Variants in CRBN observed in about 807,000 individuals in gnomAD.
CRBN encodes the protein cereblon.
CRBN carries 53 observed loss-of-function variants against 62.2 expected under a neutral mutation model. The observed-to-expected ratio is 0.85, with a 90% CI of 0.68 to 1.07. The LOEUF is 1.07. CRBN is among the 50% of genes least tolerant of loss of function. The probability of loss-of-function intolerance (pLI) is 0.00; values close to 1 mark genes in which losing one functional copy is unlikely to be tolerated. For missense variants in CRBN, 616 were observed against 531.1 expected (o/e 1.16, Z -1.57); for synonymous variants, 208 against 176.1 (o/e 1.18, Z -1.43).
chr3:3,163,030 G>A (rs993181027), intron 5 of CRBN, among the ~76,000 whole-genome samples: 2 of 152,166 alleles, frequency 1.3e-5, no homozygotes, highest in Non-Finnish European at 2.9e-5. Flanking sequence ...AAAGATATCT[G>A]CCATCCCCTT....
Position 3,169,601 on chromosome 3 carries a change from A to G in CRBN, c.528-1808T>C, listed in dbSNP as rs12631284. 6.6e-5 allele frequency among the ~76,000 whole-genome samples: 10 copies of G among 152,360 alleles called. No homozygotes were observed. The East Asian group carries it at 1.7e-3, about 26-fold the overall frequency. On this transcript the variant is annotated intron_variant, in intron 4 of 10. Coordinates refer to ENST00000231948, the MANE Select transcript of CRBN (RefSeq NM_016302.4). ...GGATAATGTACAATGAAAGTGCCAG[A>G]AAGTCTACAGTCATCTCCAATCTGC...
chr3:3,177,133 A>G (rs1428131068), intron 1 of CRBN, among the ~76,000 whole-genome samples: 1 of 149,436 alleles, frequency 6.7e-6, no homozygotes, highest in Non-Finnish European at 1.5e-5. Context: ...CCAAAAGTCC[A>G]GTGCTGAGGT....
intron 5 of CRBN, among the ~76,000 whole-genome samples, chr3:3,166,458 G>A (rs1707355784): frequency 6.6e-6 from 1 of 152,124 alleles, no homozygotes; most frequent in Non-Finnish European, 1.5e-5. Context: ...TCGGCAGCGT[G>A]AAAATGGACT....
intron 8 of CRBN, 66 bp from the exon 9 acceptor site, chr3:3,153,554 TAGATCATC>T: frequency 1.1e-6 from 1 of 883,866 alleles, no homozygotes; most frequent in Non-Finnish European, 1.9e-6. Flanking sequence ...TGTAATCACA[TAGATCATC>T]AAGAAACTTA....
chr3:3,170,954 C>T (rs1052042862), intron 4 of CRBN, among the ~76,000 whole-genome samples: 3 of 152,052 alleles, frequency 2.0e-5, no homozygotes, highest in Non-Finnish European at 2.9e-5. Context: ...TACAGTCATG[C>T]GCCACCATGC....
chr3:3,168,986 G>C (rs1304437330), intron 4 of CRBN, among the ~76,000 whole-genome samples: 2 of 152,066 alleles, frequency 1.3e-5, no homozygotes, highest in African/African-American at 4.8e-5. Context: ...CAAATAACTT[G>C]TTAATTACAT....
chr3:3,178,690 T>C (rs1218657825), intron 1 of CRBN, among the ~76,000 whole-genome samples: 2 of 152,084 alleles, frequency 1.3e-5, no homozygotes, highest in Admixed American at 6.5e-5. Flanking sequence ...CGTTTAGTTA[T>C]ATTCTCAGCA....
chr3:3,151,482 G>A (rs1170858084), intron 10 of CRBN, among the ~76,000 whole-genome samples: 3 of 113,748 alleles, frequency 2.6e-5, no homozygotes, highest in African/African-American at 6.0e-5. Flanking sequence ...GGAAGGACAC[G>A]TCTCAAAAAG....
intron 5 of CRBN, among the ~76,000 whole-genome samples, chr3:3,164,266 AAC>A (rs1438588822): frequency 6.6e-6 from 1 of 152,246 alleles, no homozygotes; most frequent in Non-Finnish European, 1.5e-5. Flanking sequence ...CTTAGTTAGA[AAC>A]ACATGTCAAA....
downstream of CRBN, chr3:3,149,702 G>GA (rs1197590439): frequency 3.3e-5 from 5 of 152,098 alleles, no homozygotes; most frequent in East Asian, 1.9e-4. Context: ...GGCATATCCT[G>GA]ATTGGAAGTA....
Position 3,172,813 on chromosome 3 carries a change from T to C in CRBN, c.490A>G (p.Arg164Gly). The change falls in exon 4 of 11, where the codon AGG (arginine) becomes GGG (glycine). Residue 164 changes from arginine to glycine, a missense_variant. Physicochemically the swap from Arg to Gly is moderately radical, Grantham distance 125. Coordinates refer to ENST00000231948, the MANE Select transcript of CRBN (RefSeq NM_016302.4). ...GTTCTTAGCTCAAGGACTTTGAACC[T>C]TTGTCTTCCAATTGCTTTCACTTTC... ...IVKVKAIGRQ[R>G]FKVLELRTQS... 1 of 1,613,988 alleles carries C rather than the reference T, an allele frequency of 6.2e-7. No individual in the cohort carries two copies. Among genetic ancestry groups the C allele is most frequent in the Non-Finnish European group, 8.5e-7 (1 of 1,179,864 alleles).
intron 5 of CRBN, chr3:3,156,499 C>T (rs1347731429): frequency 9.0e-6 from 5 of 558,320 alleles, no homozygotes; most frequent in Non-Finnish European, 1.6e-5. Flanking sequence ...ATCTTCATTC[C>T]TATTTAAAAA....
rs967078359 is a variant in CRBN at position 3,172,293 on chromosome 3, A to T, written c.527+483T>A. On this transcript the variant is annotated intron_variant, in intron 4 of 10. Coordinates refer to ENST00000231948, the MANE Select transcript of CRBN (RefSeq NM_016302.4). ...GCTTTTATAGCTCAGCTGGAGCAGTAGGCAGATGTAACCAGTGTGGCTTTC... is the reference window on the plus strand; with the variant it reads ...GCTTTTATAGCTCAGCTGGAGCAGTTGGCAGATGTAACCAGTGTGGCTTTC... The T allele has an allele frequency of 1.6e-4, 26 of 158,462 alleles. 1 individual carries two copies. The highest frequency in any genetic ancestry group is 2.8e-5 in the Non-Finnish European group (2 of 71,488). 9.8% of individuals were successfully genotyped at this position (158,462 alleles called of 1,614,324 possible).
intron 10 of CRBN, 54 bp from the exon 11 acceptor site, chr3:3,151,099 T>TATCA (rs1249591465): frequency 5.7e-6 from 9 of 1,578,600 alleles, no homozygotes; most frequent in African/African-American, 5.4e-5. Context: ...ACTCCAAGCC[T>TATCA]ATCATATAAA....
intron 1 of CRBN, among the ~76,000 whole-genome samples, chr3:3,175,986 C>G (rs1288734168): frequency 6.6e-6 from 1 of 152,160 alleles, no homozygotes; most frequent in African/African-American, 2.4e-5. Flanking sequence ...CCTTGATCAC[C>G]TGGCTACAGC....
Position 3,163,466 on chromosome 3 carries a change from G to A in CRBN, c.687+4168C>T, listed in dbSNP as rs1240568079. On this transcript the variant is annotated intron_variant, in intron 5 of 10. Coordinates refer to ENST00000231948, the MANE Select transcript of CRBN (RefSeq NM_016302.4). Reference sequence around the variant, plus strand: ...AGCCAGTGGCAACCCAGTTGCATGGGCCAAATTCGGAATGTAATGTAAACA... The same window carrying A: ...AGCCAGTGGCAACCCAGTTGCATGGACCAAATTCGGAATGTAATGTAAACA... Among the ~76,000 whole-genome samples, 24 of 152,150 alleles carry A rather than the reference G, an allele frequency of 1.6e-4. 2 individuals carry two copies. The highest frequency in any genetic ancestry group is 1.6e-3 in the Admixed American group (24 of 15,268).
chr3:3,169,768 G>T lies in CRBN; in HGVS notation c.528-1975C>A, dbSNP rs1707520705. Among the ~76,000 whole-genome samples the T allele has an allele frequency of 2.6e-5, 4 of 152,164 alleles. No homozygotes were observed. The South Asian group carries it at 8.3e-4, about 32-fold the overall frequency. ...GCTAACTTTTTGACTAACAATTATTGGTCTCAGTCTAGACAGGTAAGAGAT... is the reference window on the plus strand; with the variant it reads ...GCTAACTTTTTGACTAACAATTATTTGTCTCAGTCTAGACAGGTAAGAGAT... On this transcript the variant is annotated intron_variant, in intron 4 of 10. Coordinates refer to ENST00000231948, the MANE Select transcript of CRBN (RefSeq NM_016302.4).
chr3:3,152,664 A>G (rs994360889), intron 9 of CRBN, 77 bp from the exon 10 acceptor site: 7 of 1,547,920 alleles, frequency 4.5e-6, no homozygotes, highest in Non-Finnish European at 6.2e-6. Flanking sequence ...ATTTTATTGA[A>G]GTTCACCAAG....
At chr3:3,169,684 A>G (rs1213189506) in intron 4 of CRBN, among the ~76,000 whole-genome samples, 1 of 152,240 alleles carries the variant, frequency 6.6e-6, no homozygotes, top group East Asian at 1.9e-4. Context: ...ATGAATTTAT[A>G]AAGTTAAAAT....
Sources: gnomAD v4.1 joint callset for allele counts (sites outside exome capture counted in the v4.1 genomes callset) on GRCh38, gnomAD v4.1.1 for gene constraint, MANE v1.5 for transcripts, NCBI Gene and HGNC (gene_info 2026-07-23, HGNC 2026-07-21) for gene names.